The following MAML2 variants were observed in gnomAD, a reference collection of about 807,000 sequenced individuals.
MAML2 encodes the protein mastermind-like protein 2.
In MAML2, 22 loss-of-function variants were observed where a neutral mutation model predicts 96.1. The observed-to-expected ratio is 0.23, with a 90% CI of 0.16 to 0.33. The LOEUF (loss-of-function observed/expected upper bound fraction) is 0.33, where lower values mean the gene tolerates loss of function less well. Ranked by LOEUF, MAML2 falls within the 10% of genes least tolerant of loss-of-function variation. MAML2 has a pLI of 1.00. For synonymous variants in MAML2, 561 were observed against 521.3 expected (o/e 1.08, Z -1.04); for missense variants, 1,367 against 1,392.4 (o/e 0.98, Z 0.29).
At chr11:96,017,940 G>C (rs1382510106) in intron 2 of MAML2, among the ~76,000 whole-genome samples, 5 of 152,190 alleles carry the variant, frequency 3.3e-5, no homozygotes, top group African/African-American at 1.2e-4. Flanking sequence ...CTGAGCAGAG[G>C]AATGACATGA....
chr11:96,170,153 C>A (rs1045774246), intron 1 of MAML2, among the ~76,000 whole-genome samples: 3 of 152,192 alleles, frequency 2.0e-5, no homozygotes, highest in African/African-American at 4.8e-5. Context: ...CTACAGTGCA[C>A]CTGCCCAGCA....
intron 1 of MAML2, among the ~76,000 whole-genome samples, chr11:96,302,269 T>C (rs944316061): frequency 6.6e-6 from 1 of 152,242 alleles, no homozygotes; most frequent in Non-Finnish European, 1.5e-5. Flanking sequence ...CAAATTTTGT[T>C]GATTAAAATT....
chr11:96,253,622 G>A (rs756451252), intron 1 of MAML2, among the ~76,000 whole-genome samples: 1 of 152,152 alleles, frequency 6.6e-6, no homozygotes, highest in Non-Finnish European at 1.5e-5. Context: ...CTTCTGAGGC[G>A]CATTTATCTT....
chr11:96,048,167 T>G (rs1336028604), intron 2 of MAML2, among the ~76,000 whole-genome samples: 1 of 152,074 alleles, frequency 6.6e-6, no homozygotes, highest in East Asian at 1.9e-4. Context: ...TCAGATCAGG[T>G]GTCATAAAAA....
rs182122725 is a variant in MAML2 at position 96,261,004 on chromosome 11, C to T, written c.513+80379G>A. On this transcript the variant is annotated intron_variant, in intron 1 of 4. Coordinates refer to ENST00000524717, the MANE Select transcript of MAML2 (RefSeq NM_032427.4). The stretch of plus-strand genomic sequence containing the variant: ...TCATAATTTATTTCAAATTTTATGC[C>T]TGAAACAACTTACCATCATTACTCT... Among the ~76,000 whole-genome samples the T allele has an allele frequency of 2.2e-3, 342 of 152,100 alleles. 1 individual carries two copies. The highest frequency in any genetic ancestry group is 7.8e-3 in the African/African-American group (324 of 41,474).
chr11:96,256,116 C>T (rs888637843), intron 1 of MAML2, among the ~76,000 whole-genome samples: 2 of 151,926 alleles, frequency 1.3e-5, no homozygotes, highest in South Asian at 4.1e-4. Flanking sequence ...TCAGGTGATC[C>T]ACCCGCCTCG....
chr11:96,183,220 A>G (rs144355220), intron 1 of MAML2, among the ~76,000 whole-genome samples: 1,636 of 152,192 alleles, frequency 0.011, 29 homozygotes, highest in African/African-American at 0.037. Flanking sequence ...CGGCCTCCCA[A>G]CGCGCTGGGA....
intron 1 of MAML2, among the ~76,000 whole-genome samples, chr11:96,307,695 C>T (rs961224387): frequency 6.6e-6 from 1 of 152,152 alleles, no homozygotes; most frequent in East Asian, 1.9e-4. Context: ...CAGCTCCGTA[C>T]AGCAGATTAA....
intron 1 of MAML2, among the ~76,000 whole-genome samples, chr11:96,281,992 G>A (rs886112828): frequency 1.3e-5 from 2 of 152,144 alleles, no homozygotes; most frequent in Non-Finnish European, 2.9e-5. Context: ...GCTCATGCCT[G>A]TAATCCCAGC....
At chr11:96,159,729 C>CG (rs1269653199) in intron 1 of MAML2, among the ~76,000 whole-genome samples, 1 of 152,114 alleles carries the variant, frequency 6.6e-6, no homozygotes, top group Non-Finnish European at 1.5e-5. Flanking sequence ...CGGCCTAAAC[C>CG]ACTGATTCTT....
chr11:96,079,659 T>C (rs1376699097), intron 2 of MAML2, among the ~76,000 whole-genome samples: 1 of 152,240 alleles, frequency 6.6e-6, no homozygotes, highest in African/African-American at 2.4e-5. Context: ...TTGCATACTC[T>C]GTGGCACCAA....
intron 4 of MAML2, among the ~76,000 whole-genome samples, chr11:95,980,805 G>A (rs1857725113): frequency 6.6e-6 from 1 of 152,174 alleles, no homozygotes; most frequent in East Asian, 1.9e-4. Flanking sequence ...CAAAGTGCCT[G>A]CCAGTTAAAC....
intron 1 of MAML2, among the ~76,000 whole-genome samples, chr11:96,335,372 T>C (rs1863907684): frequency 6.6e-6 from 1 of 152,244 alleles, no homozygotes; most frequent in Non-Finnish European, 1.5e-5. Flanking sequence ...GTATAAACAC[T>C]TTTACCAACA....
chr11:96,262,311 T>G (rs921799846), intron 1 of MAML2, among the ~76,000 whole-genome samples: 1 of 152,222 alleles, frequency 6.6e-6, no homozygotes, highest in African/African-American at 2.4e-5. Flanking sequence ...TTCTCATAGA[T>G]TAATTTGACC....
At chr11:96,283,177 G>A (rs1323474826) in intron 1 of MAML2, among the ~76,000 whole-genome samples, 1 of 152,204 alleles carries the variant, frequency 6.6e-6, no homozygotes, top group African/African-American at 2.4e-5. Flanking sequence ...CTGTCAAGGT[G>A]TGGGGGTTTT....
chr11:96,052,394 G>A (rs1016472338), intron 2 of MAML2, among the ~76,000 whole-genome samples: 3 of 152,202 alleles, frequency 2.0e-5, no homozygotes, highest in Non-Finnish European at 2.9e-5. Flanking sequence ...TTTGACTACA[G>A]AGAAAATTTG....
chr11:96,209,507 G>A (rs557329385), intron 1 of MAML2, among the ~76,000 whole-genome samples: 60 of 152,074 alleles, frequency 3.9e-4, no homozygotes, highest in Middle Eastern at 6.8e-3. Context: ...CCTGGGAGAC[G>A]GAGGTTGCAG....
intron 1 of MAML2, among the ~76,000 whole-genome samples, chr11:96,231,309 T>C (rs879764735): frequency 8.5e-5 from 13 of 152,162 alleles, no homozygotes; most frequent in Non-Finnish European, 1.6e-4. Flanking sequence ...AGGAAATGCG[T>C]TGTATTGATT....
At chr11:96,322,665 C>T (rs2136012212) in intron 1 of MAML2, among the ~76,000 whole-genome samples, 1 of 152,318 alleles carries the variant, frequency 6.6e-6, no homozygotes, top group South Asian at 2.1e-4. Flanking sequence ...GCACTCCACC[C>T]TGGGGGCCAC....
Sources: gnomAD v4.1 joint callset for allele counts (sites outside exome capture counted in the v4.1 genomes callset) on GRCh38, gnomAD v4.1.1 for gene constraint, MANE v1.5 for transcripts, NCBI Gene and HGNC (gene_info 2026-07-23, HGNC 2026-07-21) for gene names.